The following MEI1 variants were observed in gnomAD, a reference collection of about 807,000 sequenced individuals.
MEI1 encodes the protein meiotic double-stranded break formation protein 1.
A neutral mutation model predicts 146.2 loss-of-function variants in MEI1; 103 were observed. The ratio of observed to expected loss-of-function variants is 0.70; its 90% CI spans 0.60 to 0.83. The LOEUF (loss-of-function observed/expected upper bound fraction) is 0.83, where lower values mean the gene tolerates loss of function less well. MEI1 is among the 40% of genes least tolerant of loss of function. The probability of loss-of-function intolerance (pLI) is 0.00; values close to 1 mark genes in which losing one functional copy is unlikely to be tolerated. For missense variants in MEI1, 1,529 were observed against 1,533.0 expected (o/e 1.00, Z 0.04); for synonymous variants, 652 against 628.2 (o/e 1.04, Z -0.57).
chr22:41,756,836 T>G (rs1471102218), intron 17 of MEI1, among the ~76,000 whole-genome samples: 2 of 152,228 alleles, frequency 1.3e-5, no homozygotes, highest in Non-Finnish European at 2.9e-5. Flanking sequence ...TCGTAAGAAA[T>G]CTAGAAGTCT....
chr22:41,748,930 T>G (rs1431258776), intron 15 of MEI1, among the ~76,000 whole-genome samples: 4 of 151,984 alleles, frequency 2.6e-5, no homozygotes, highest in Admixed American at 6.6e-5. Context: ...AGCGTCCTGA[T>G]TAGCTGGGAC....
At position 41,784,700 on chromosome 22, in the gene MEI1, G is replaced by A; in HGVS notation, c.3262G>A (p.Ala1088Thr). ...LVPSGAQPLP[A>T]TKDTVLAPLR... ...GCCCTCAGGGGCCCAGCCACTGCCAGCCACCAAGGACACTGTCCTAGCTCC... is the reference window on the plus strand; with the variant it reads ...GCCCTCAGGGGCCCAGCCACTGCCAACCACCAAGGACACTGTCCTAGCTCC... Residue 1088 changes from alanine (A) to threonine (T), a missense_variant, in exon 26 of 31, where the codon GCC becomes ACC. Physicochemically the swap from Ala to Thr is moderately conservative, Grantham distance 58. Around this residue, in one of 3 missense-constraint regions of MEI1, gnomAD observed 313 missense variants for 337.3 expected, o/e 0.93. Transcript: ENST00000401548. 2 of 1,613,720 alleles carry A rather than the reference G, an allele frequency of 1.2e-6. No homozygotes were observed. Among genetic ancestry groups the A allele is most frequent in the Non-Finnish European group, 1.7e-6 (2 of 1,179,812 alleles).
intron 15 of MEI1, 35 bp from the exon 16 acceptor site, chr22:41,752,556 A>C: frequency 1.3e-6 from 2 of 1,565,888 alleles, no homozygotes; most frequent in Non-Finnish European, 1.7e-6. Flanking sequence ...AGTCTGGTTT[A>C]AACTGCTCTC....
At position 41,699,515 on chromosome 22, in the gene MEI1, C is replaced by G; in HGVS notation, c.-24C>G. The G allele has an allele frequency of 3.1e-6, 5 of 1,598,128 alleles. No homozygotes were observed. Among genetic ancestry groups the G allele is most frequent in the Non-Finnish European group, 4.3e-6 (5 of 1,172,502 alleles). On this transcript the variant is annotated 5_prime_UTR_variant, in exon 1 of 31. Transcript: ENST00000401548. ...GCAGTCTGCGCGGGAAAGAGTGCCG[C>G]CTCAGCTGAGGGCAAGCGAGGAGAT... is the stretch of plus-strand genomic sequence containing the variant.
intron 19 of MEI1, among the ~76,000 whole-genome samples, chr22:41,763,943 C>CTTT (rs71184839): frequency 6.6e-5 from 6 of 91,556 alleles, no homozygotes; most frequent in Non-Finnish European, 1.1e-4. Flanking sequence ...GGGAAGTTTC[C>CTTT]TTTTTTTTTT....
chr22:41,715,595 CTG>C (rs1273184698), intron 4 of MEI1, among the ~76,000 whole-genome samples: 1 of 152,002 alleles, frequency 6.6e-6, no homozygotes, highest in East Asian at 1.9e-4. Flanking sequence ...CGGGGTTTCA[CTG>C]TGTTAGCCAG....
intron 11 of MEI1, among the ~76,000 whole-genome samples, chr22:41,740,910 A>G (rs895827650): frequency 6.6e-6 from 1 of 151,992 alleles, no homozygotes; most frequent in Non-Finnish European, 1.5e-5. Context: ...GATGGCTCTC[A>G]GTGCTCAACA....
At chr22:41,779,474 G>T (rs947600804) in intron 22 of MEI1, among the ~76,000 whole-genome samples, 1 of 152,108 alleles carries the variant, frequency 6.6e-6, no homozygotes, top group African/African-American at 2.4e-5. Context: ...AAATCTGTAT[G>T]ACAGGCACAA....
chr22:41,732,379 G>T, intron 10 of MEI1, 35 bp downstream of exon 10: 1 of 1,613,266 alleles, frequency 6.2e-7, no homozygotes, highest in Non-Finnish European at 8.5e-7. Flanking sequence ...GCTTGTAGGG[G>T]CCAGACTGCA....
intron 19 of MEI1, among the ~76,000 whole-genome samples, chr22:41,768,836 C>T (rs1330342721): frequency 6.6e-6 from 1 of 152,190 alleles, no homozygotes; most frequent in Non-Finnish European, 1.5e-5. Flanking sequence ...ATAATTTGGA[C>T]ATGAGATTTG....
chr22:41,722,788 T>C (rs2070985255), intron 6 of MEI1, among the ~76,000 whole-genome samples: 1 of 152,182 alleles, frequency 6.6e-6, no homozygotes, highest in Non-Finnish European at 1.5e-5. Flanking sequence ...CTCTGGGCTT[T>C]TTTCCACATT....
Position 41,732,306 on chromosome 22 carries a change from C to G in MEI1, c.1158C>G (p.His386Gln), listed in dbSNP as rs1239567667. 1 of 1,612,576 alleles carries G rather than the reference C, an allele frequency of 6.2e-7. No individual in the cohort carries two copies. Among genetic ancestry groups the G allele is most frequent in the East Asian group, 2.2e-5 (1 of 44,838 alleles). The change falls in exon 10 of 31, where the codon CAC (histidine) becomes CAG (glutamine). Residue 386 changes from histidine (H) to glutamine (Q), a missense_variant. Physicochemically the swap from His to Gln is conservative, Grantham distance 24. Coordinates refer to ENST00000401548, the MANE Select transcript of MEI1 (RefSeq NM_152513.4). The part of the protein sequence containing the change: ...GSLKMNNIEL[H>Q]KQGLLLFAEI... ...TGAAGATGAACAACATAGAGCTGCA[C>G]AAGCAGGGCCTGCTGCTTTTCGCTG...
chr22:41,772,602 A>G (rs2075241928), intron 20 of MEI1, among the ~76,000 whole-genome samples: 2 of 152,226 alleles, frequency 1.3e-5, no homozygotes, highest in Admixed American at 6.5e-5. Flanking sequence ...GATTATAGGC[A>G]TAAACGACTG....
chr22:41,790,254 T>C (rs1449233355), intron 26 of MEI1, among the ~76,000 whole-genome samples: 1 of 151,972 alleles, frequency 6.6e-6, no homozygotes, highest in Non-Finnish European at 1.5e-5. Flanking sequence ...GGCTAATTTT[T>C]TGTATGTTTA....
At chr22:41,794,781 G>T (rs917801747) in intron 28 of MEI1, among the ~76,000 whole-genome samples, 1 of 152,054 alleles carries the variant, frequency 6.6e-6, no homozygotes, top group African/African-American at 2.4e-5. Context: ...CTGCCTTTAG[G>T]GTCCCTCAGT....
chr22:41,726,819 G>T (rs924434901), intron 7 of MEI1, among the ~76,000 whole-genome samples: 2 of 151,582 alleles, frequency 1.3e-5, no homozygotes, highest in Non-Finnish European at 2.9e-5. Context: ...TGTCGCCCAG[G>T]CTGGAGTGCA....
chr22:41,781,975 G>A (rs1318824645), intron 24 of MEI1, 130 bp downstream of exon 24: 1 of 999,366 alleles, frequency 1.0e-6, no homozygotes, highest in African/African-American at 1.6e-5. Context: ...TACCCTTTCT[G>A]AGCTCAGTTT....
intron 8 of MEI1, among the ~76,000 whole-genome samples, chr22:41,730,070 G>C (rs1397085426): frequency 6.6e-6 from 1 of 152,176 alleles, no homozygotes; most frequent in Non-Finnish European, 1.5e-5. Flanking sequence ...GAGATGCATT[G>C]CAAATGTTAC....
intron 8 of MEI1, 91 bp from the exon 9 acceptor site, chr22:41,730,430 G>T (rs1280423889): frequency 7.5e-6 from 6 of 795,176 alleles, no homozygotes; most frequent in Non-Finnish European, 1.1e-5. Flanking sequence ...GCAAGAGTAA[G>T]GTGCTGAATA....
Sources: allele counts gnomAD v4.1 joint callset (sites outside exome capture counted in the v4.1 genomes callset), GRCh38; gene constraint gnomAD v4.1.1; regional missense constraint gnomAD v4.1.1; transcripts MANE v1.5; gene names NCBI Gene and HGNC (gene_info 2026-07-23, HGNC 2026-07-21).